Variants in DSEL observed in about 807,000 individuals in gnomAD.
DSEL encodes dermatan sulfate epimerase like, also known as dermatan-sulfate epimerase-like protein.
In DSEL, 61 loss-of-function variants were observed where a neutral mutation model predicts 96.6. The ratio of observed to expected loss-of-function variants is 0.63; its 90% confidence interval spans 0.51 to 0.78. The LOEUF is 0.78. DSEL is among the 30% of genes least tolerant of loss of function. The probability of loss-of-function intolerance (pLI) is 0.00; values close to 1 mark genes in which losing one functional copy is unlikely to be tolerated. For synonymous variants in DSEL, 514 were observed against 502.0 expected (o/e 1.02, Z -0.32); for missense variants, 1,320 against 1,430.8 (o/e 0.92, Z 1.25).
At chr18:67,515,842 T>C (rs73969018) in intron 1 of DSEL, among the ~76,000 whole-genome samples, 7,134 of 152,198 alleles carry the variant, frequency 0.047, 201 homozygotes, top group South Asian at 0.09. Context: ...AGTCCTGCTA[T>C]CCTTGTTATT....
Position 67,512,827 on chromosome 18 carries a change from T to A in DSEL, c.1782A>T (p.Pro594=). The part of the protein sequence containing the change: ...VDHIERQEDS[P]INSVSAFFHN... ...GAAAGAAGGCACTGACAGAATTTAT[T>A]GGGGAATCTTCTTGCCTCTCAATAT... The change falls in exon 2 of 2, where the codon CCA becomes CCT. Residue 594 remains proline (P), a synonymous_variant. Coordinates refer to ENST00000310045, the MANE Select transcript of DSEL (RefSeq NM_032160.3). The A allele has an allele frequency of 1.2e-6, 2 of 1,614,066 alleles. No homozygotes were observed. Among genetic ancestry groups the A allele is most frequent in the Non-Finnish European group, 1.7e-6 (2 of 1,180,034 alleles).
rs2089455326 is a variant in DSEL at position 67,513,344 on chromosome 18, GC to G, written c.1264del (p.Ala422LeufsTer27). On this transcript the variant is annotated frameshift_variant, in exon 2 of 2. Transcript: ENST00000310045. LOFTEE classifies it high-confidence loss of function. ...FPNWGVVTYG[A>X]GLPNTQTNTF... ...GTTGGTCTGTGTGTTTGGCAACCCAGCCCCATAAGTAACCACACCCCAGTTA... is the reference window on the plus strand; with the variant it reads ...GTTGGTCTGTGTGTTTGGCAACCCAGCCCATAAGTAACCACACCCCAGTTA... 1.2e-6 allele frequency: 2 copies of G among 1,614,148 alleles called. No individual in the cohort carries two copies. Among genetic ancestry groups the G allele is most frequent in the Non-Finnish European group, 1.7e-6 (2 of 1,180,034 alleles).
In DSEL at chr18:67,514,129, T is replaced by C. The variant is rs1568246084; in HGVS notation, c.480A>G (p.Val160=). 6.2e-7 allele frequency: 1 copy of C among 1,614,240 alleles called. No individual in the cohort carries two copies. Among genetic ancestry groups the C allele is most frequent in the Non-Finnish European group, 8.5e-7 (1 of 1,180,038 alleles). The part of the protein sequence containing the change: ...DRMVGYKDWL[V]ENAPGDEVPI... ...GAACCTCATCTCCTGGTGCATTCTC[T>C]ACTAGCCAGTCTTTGTAGCCAACCA... Residue 160 remains valine (V), a synonymous_variant, in exon 2 of 2, where the codon GTA becomes GTG. Coordinates refer to ENST00000310045, the MANE Select transcript of DSEL (RefSeq NM_032160.3).
rs759651332 is a variant in DSEL, at chr18:67,513,969, G to C, written c.640C>G (p.Arg214Gly). Residue 214 changes from arginine (R) to glycine (G), a missense_variant, in exon 2 of 2, where the codon CGC (arginine) becomes GGC (glycine). This residue lies in a region of DSEL where 323 missense variants were observed against 333.1 expected (regional missense o/e 0.97). Transcript: ENST00000310045. ...TEEMYEYSKV[R>G]SWGKQLLHNH... ...TGGAGAAGCTGTTTGCCCCATGAGC[G>C]GACCTTGGAATACTCGTACATTTCC... 2.5e-6 allele frequency: 4 copies of C among 1,613,946 alleles called. No individual in the cohort carries two copies. Among genetic ancestry groups the C allele is most frequent in the Non-Finnish European group, 8.5e-7 (1 of 1,180,016 alleles).
Position 67,515,314 on chromosome 18 carries a change from AAG to A in DSEL, c.-708_-707del, listed in dbSNP as rs1447912097. ...ACTTACTCATCAGCCTATTATGACA[AAG>A]AGAAATCATGTTCACATCTTCTTTT... On this transcript the variant is annotated 5_prime_UTR_variant, in exon 2 of 2. It introduces an in-frame stop codon into an upstream open reading frame of the 5' UTR. Transcript: ENST00000310045. The A allele has an allele frequency of 6.0e-6, 1 of 166,998 alleles. No homozygotes were observed. Among genetic ancestry groups the A allele is most frequent in the Admixed American group, 6.5e-5 (1 of 15,288 alleles). 10.3% of individuals were successfully genotyped at this position (166,998 alleles called of 1,614,324 possible). A position where few individuals can be genotyped will look rare whatever the true frequency, so the allele number is the denominator to read the frequency against.
Position 67,507,949 on chromosome 18 carries a change from G to A in DSEL, c.*3021C>T, listed in dbSNP as rs945283199. 5 of 151,860 alleles carry A rather than the reference G, an allele frequency of 3.3e-5. No homozygotes were observed. Among genetic ancestry groups the A allele is most frequent in the African/African-American group, 1.2e-4 (5 of 41,338 alleles). The allele number at this position is 151,860 out of a possible 1,614,324, so 9.4% of individuals were successfully genotyped here. On this transcript the variant is annotated 3_prime_UTR_variant, in exon 2 of 2. Coordinates refer to ENST00000310045, the MANE Select transcript of DSEL (RefSeq NM_032160.3). ...ATATGGCCTTTTTATTTCATCTTGA[G>A]TAAATCTATGTTGTTTGAAAATTTA...
In DSEL at chr18:67,511,749, T is replaced by A; in HGVS notation, c.2860A>T (p.Asn954Tyr). The change falls in exon 2 of 2, where the codon AAT (asparagine) becomes TAT (tyrosine). Residue 954 changes from asparagine to tyrosine, a missense_variant. By Grantham distance (143) the Asn-to-Tyr change is moderately radical. This residue lies in a region of DSEL where 986 missense variants were observed against 1,066.4 expected (regional missense o/e 0.92). Transcript: ENST00000310045. ...TTAAATTTTCTTTTTTTGTCCTTATTCATTGCAAAATATTGGGCCAGTTTA... is the reference window on the plus strand; with the variant it reads ...TTAAATTTTCTTTTTTTGTCCTTATACATTGCAAAATATTGGGCCAGTTTA... Reference protein sequence around the residue: ...RGKLAQYFAMNKDKKRKFKRR... With the variant: ...RGKLAQYFAMYKDKKRKFKRR... 1 of 1,614,186 alleles carries A rather than the reference T, an allele frequency of 6.2e-7. No individual in the cohort carries two copies. The highest frequency in any genetic ancestry group is 8.5e-7 in the Non-Finnish European group (1 of 1,180,040).
At position 67,514,371 on chromosome 18, in the gene DSEL, G is replaced by A; in HGVS notation, c.238C>T (p.Arg80Cys). The A allele has an allele frequency of 2.5e-6, 4 of 1,614,140 alleles. No homozygotes were observed. Among genetic ancestry groups the A allele is most frequent in the East Asian group, 2.2e-5 (1 of 44,872 alleles). The change falls in exon 2 of 2, where the codon CGT becomes TGT. Residue 80 changes from arginine (R) to cysteine (C), a missense_variant. Arg to Cys is a radical substitution (Grantham distance 180, BLOSUM62 -3). Coordinates refer to ENST00000310045, the MANE Select transcript of DSEL (RefSeq NM_032160.3). Reference sequence around the variant, plus strand: ...CTAAAAAGATGCAAATGGCTTGCACGAGACTTTTGTCTCATTGCTTGGATT... The same window carrying A: ...CTAAAAAGATGCAAATGGCTTGCACAAGACTTTTGTCTCATTGCTTGGATT... ...GEIQAMRQKS[R>C]ASHLHLFRAI...
chr18:67,514,530 T>C lies in DSEL; in HGVS notation c.79A>G (p.Ser27Gly), dbSNP rs2089464655. Residue 27 changes from serine (S) to glycine (G), a missense_variant, in exon 2 of 2, where the codon AGC becomes GGC. Physicochemically the swap from Ser to Gly is moderately conservative, Grantham distance 56. Transcript: ENST00000310045. Reference sequence around the variant, plus strand: ...AAAACTGCCCATTCGGAATAATTGCTCACAGATTCCTCAAAAGTAGAGAAA... The same window carrying C: ...AAAACTGCCCATTCGGAATAATTGCCCACAGATTCCTCAAAAGTAGAGAAA... ...FAFSTFEESV[S>G]NYSEWAVFTD... The C allele has an allele frequency of 6.2e-7, 1 of 1,614,158 alleles. No individual in the cohort carries two copies. The highest frequency in any genetic ancestry group is 2.2e-5 in the East Asian group (1 of 44,882).
In DSEL at chr18:67,513,945, G is replaced by A. The variant is rs2089459973; in HGVS notation, c.664C>T (p.His222Tyr). Residue 222 changes from histidine (H) to tyrosine (Y), a missense_variant, in exon 2 of 2, where the codon CAT becomes TAT. Around this residue, in one of 3 missense-constraint regions of DSEL, gnomAD observed 323 missense variants for 333.1 expected, o/e 0.97. Coordinates refer to ENST00000310045, the MANE Select transcript of DSEL (RefSeq NM_032160.3). ...KVRSWGKQLL[H>Y]NHQATNMIAL... ...ATCATATTAGTGGCTTGGTGGTTAT[G>A]GAGAAGCTGTTTGCCCCATGAGCGG... 4.3e-6 allele frequency: 7 copies of A among 1,614,132 alleles called. No homozygotes were observed. The East Asian group carries it at 6.7e-5, about 15-fold the overall frequency.
chr18:67,515,799 T>C (rs921424180), intron 1 of DSEL, among the ~76,000 whole-genome samples: 3 of 152,212 alleles, frequency 2.0e-5, no homozygotes, highest in African/African-American at 4.8e-5. Context: ...ACTTAAAAAA[T>C]GTTTGTATTC....
rs116615279 is a variant in DSEL at position 67,512,817 on chromosome 18, C to G, written c.1792G>C (p.Val598Leu). ...ERQEDSPINS[V>L]SAFFHNLDID... ...TCCAAATTATGAAAGAAGGCACTGA[C>G]AGAATTTATTGGGGAATCTTCTTGC... The change falls in exon 2 of 2, where the codon GTC becomes CTC. Residue 598 changes from valine (V) to leucine (L), a missense_variant. By Grantham distance (32) the Val-to-Leu change is conservative. Coordinates refer to ENST00000310045, the MANE Select transcript of DSEL (RefSeq NM_032160.3). 5.1e-5 allele frequency: 82 copies of G among 1,613,982 alleles called. No homozygotes were observed. The African/African-American group carries it at 7.5e-4, about 15-fold the overall frequency.
chr18:67,514,719 T>C lies in DSEL; in HGVS notation c.-111A>G. On this transcript the variant is annotated 5_prime_UTR_variant, in exon 2 of 2. Coordinates refer to ENST00000310045, the MANE Select transcript of DSEL (RefSeq NM_032160.3). ...GTAAAGGCCTTGATAAGACAAAGAC[T>C]GTAAATCTGATATGCTGTGAAATCC... 1 of 1,212,768 alleles carries C rather than the reference T, an allele frequency of 8.2e-7. No individual in the cohort carries two copies. Among genetic ancestry groups the C allele is most frequent in the Non-Finnish European group, 1.2e-6 (1 of 860,952 alleles). 75.1% of individuals were successfully genotyped at this position (1,212,768 alleles called of 1,614,324 possible). A position where few individuals can be genotyped will look rare whatever the true frequency, so the allele number is the denominator to read the frequency against.
rs777465144 is a variant in DSEL, at chr18:67,512,940, C to G, written c.1669G>C (p.Val557Leu). ...CTCATTGCTGAAGAATAAGCAGACA[C>G]GGCTTCCCCACTCACAAATACCATT... ...GEMVFVSGEAVSAYSSAMRLK... is the reference protein window; with the variant it reads ...GEMVFVSGEALSAYSSAMRLK... The change falls in exon 2 of 2, where the codon GTG (valine) becomes CTG (leucine). Residue 557 changes from valine to leucine, a missense_variant. Transcript: ENST00000310045. 2 of 1,614,170 alleles carry G rather than the reference C, an allele frequency of 1.2e-6. No individual in the cohort carries two copies. The highest frequency in any genetic ancestry group is 2.7e-5 in the African/African-American group (2 of 75,030).
rs1407922909 is a variant in DSEL, at chr18:67,512,112, T to C, written c.2497A>G (p.Arg833Gly). The change falls in exon 2 of 2, where the codon AGG (arginine) becomes GGG (glycine). Residue 833 changes from arginine to glycine, a missense_variant. This residue lies in a region of DSEL where 986 missense variants were observed against 1,066.4 expected (regional missense o/e 0.92). Transcript: ENST00000310045. ...CSQPICAKWT[R>G]TEAEGSKKSL... ...TTCTTGCTTCCCTCAGCCTCTGTCC[T>C]TGTCCATTTTGCACAAATGGGCTGA... 6.2e-7 allele frequency: 1 copy of C among 1,614,056 alleles called. No homozygotes were observed. The highest frequency in any genetic ancestry group is 8.5e-7 in the Non-Finnish European group (1 of 1,180,028).
In DSEL at chr18:67,511,015, G is replaced by C. The variant is rs1230593137; in HGVS notation, c.3594C>G (p.Cys1198Trp). The change falls in exon 2 of 2, where the codon TGC (cysteine) becomes TGG (tryptophan). Residue 1198 changes from cysteine to tryptophan, a missense_variant. This residue lies in a region of DSEL where 986 missense variants were observed against 1,066.4 expected (regional missense o/e 0.92). Transcript: ENST00000310045. ...RDEIKLIENICWTLMDRLGYP... is the reference protein window; with the variant it reads ...RDEIKLIENIWWTLMDRLGYP... ...ATCCTAGGCGATCCATCAGAGTCCA[G>C]CAGATGTTTTCAATTAGTTTAATTT... 6.2e-7 allele frequency: 1 copy of C among 1,610,614 alleles called. No homozygotes were observed. The highest frequency in any genetic ancestry group is 8.5e-7 in the Non-Finnish European group (1 of 1,178,774).
rs1349308604 is a variant in DSEL, at chr18:67,510,671, A to ACCT, written c.*298_*299insAGG. The ACCT allele has an allele frequency of 1.8e-3, 585 of 320,094 alleles. 1 individual carries two copies. The highest frequency in any genetic ancestry group is 0.012 in the African/African-American group (552 of 46,596). 19.8% of individuals were successfully genotyped at this position (320,094 alleles called of 1,614,324 possible). ...TGAAGGGGAGTTAGACAAAAACTTA[A>ACCT]AATTTTCCCATCTCCCCTGACCCCA... On this transcript the variant is annotated 3_prime_UTR_variant, in exon 2 of 2. Transcript: ENST00000310045.
In DSEL at chr18:67,507,657, G is replaced by C. The variant is rs1158384688; in HGVS notation, c.*3313C>G. On this transcript the variant is annotated 3_prime_UTR_variant, in exon 2 of 2. Transcript: ENST00000310045. The stretch of plus-strand genomic sequence containing the variant: ...TTCTTCTTTGAATACATTTGCAGAG[G>C]GCAATGTAGCAAGACCTGGGAATTT... 2.0e-5 allele frequency: 3 copies of C among 152,116 alleles called. No individual in the cohort carries two copies. The highest frequency in any genetic ancestry group is 7.2e-5 in the African/African-American group (3 of 41,408). The allele number at this position is 152,116 out of a possible 1,614,324, so 9.4% of individuals were successfully genotyped here. A position where few individuals can be genotyped will look rare whatever the true frequency, so the allele number is the denominator to read the frequency against.
At position 67,506,894 on chromosome 18, in the gene DSEL, A is replaced by C. The variant is rs976784485; in HGVS notation, c.*4076T>G. 6.6e-6 allele frequency: 1 copy of C among 152,232 alleles called. No homozygotes were observed. Among genetic ancestry groups the C allele is most frequent in the Non-Finnish European group, 1.5e-5 (1 of 68,046 alleles). 9.4% of individuals were successfully genotyped at this position (152,232 alleles called of 1,614,324 possible). ...TTGTTTGAAGTGTCTATTGTACTCT[A>C]TGCAAAAATCCAAAGTCATTTGCGT... On this transcript the variant is annotated 3_prime_UTR_variant, in exon 2 of 2. Coordinates refer to ENST00000310045, the MANE Select transcript of DSEL (RefSeq NM_032160.3).
Sources: allele counts gnomAD v4.1 joint callset (sites outside exome capture counted in the v4.1 genomes callset), GRCh38; gene constraint gnomAD v4.1.1; regional missense constraint gnomAD v4.1.1; transcripts MANE v1.5; gene names NCBI Gene and HGNC (gene_info 2026-07-23, HGNC 2026-07-21).